VGLL4: variants seen among roughly 807,000 people sequenced by gnomAD.
The protein encoded by VGLL4 is vestigial like family member 4.
In VGLL4, 7 loss-of-function variants were observed where a neutral mutation model predicts 21.0. The ratio of observed to expected loss-of-function variants is 0.33; its 90% CI spans 0.19 to 0.63. VGLL4 has a LOEUF of 0.63. VGLL4 is among the 20% of genes least tolerant of loss of function. The probability of loss-of-function intolerance (pLI) is 0.78; values close to 1 mark genes in which losing one functional copy is unlikely to be tolerated. For missense variants in VGLL4, 394 were observed against 425.7 expected (o/e 0.93, Z 0.66); for synonymous variants, 222 against 173.2 (o/e 1.28, Z -2.21).
intron 1 of VGLL4, among the ~76,000 whole-genome samples, chr3:11,603,578 G>C (rs1271739212): frequency 6.6e-6 from 1 of 152,192 alleles, no homozygotes; most frequent in Non-Finnish European, 1.5e-5. Flanking sequence ...CCAAGGGAAA[G>C]CTTCAGAAGC....
chr3:11,595,767 A>G (rs2074621566), intron 2 of VGLL4, among the ~76,000 whole-genome samples: 1 of 151,378 alleles, frequency 6.6e-6, no homozygotes, highest in Non-Finnish European at 1.5e-5. Context: ...GTTCTCACTC[A>G]TAGGTGGGAA....
Position 11,643,628 on chromosome 3 carries a change from G to A in VGLL4, c.-110C>T. On this transcript the variant is annotated 5_prime_UTR_variant, in exon 1 of 5. Transcript: ENST00000430365. ...CTGGCTCTTCAACTTCACAAAGGCA[G>A]AGGCCCAGCCTCAGACTATCAAAAC... 1.3e-5 allele frequency: 21 copies of A among 1,566,780 alleles called. No homozygotes were observed. The highest frequency in any genetic ancestry group is 1.7e-5 in the Non-Finnish European group (20 of 1,160,422).
intron 2 of VGLL4, among the ~76,000 whole-genome samples, chr3:11,595,752 C>T (rs972855689): frequency 2.6e-4 from 39 of 151,138 alleles, no homozygotes; most frequent in African/African-American, 8.5e-4. Flanking sequence ...AACCAAACAC[C>T]GCATGTTCTC....
At chr3:11,662,549 A>G (rs2076052274) in intron 2 of VGLL4, among the ~76,000 whole-genome samples, 1 of 152,238 alleles carries the variant, frequency 6.6e-6, no homozygotes, top group Non-Finnish European at 1.5e-5. Context: ...CCAACTCAAA[A>G]TATACTCCCA....
intron 1 of VGLL4, among the ~76,000 whole-genome samples, chr3:11,620,795 C>A (rs73127116): frequency 0.085 from 12,865 of 152,246 alleles, 971 homozygotes; most frequent in African/African-American, 0.19. Flanking sequence ...ACCCGACCGT[C>A]CCACCCTGTG....
intron 1 of VGLL4, among the ~76,000 whole-genome samples, chr3:11,622,932 C>T (rs994147713): frequency 3.9e-5 from 6 of 152,204 alleles, no homozygotes; most frequent in Non-Finnish European, 7.3e-5. Context: ...TCTTACGCTT[C>T]CTTGGGCTGT....
rs2076961308 is a variant in VGLL4, at chr3:11,719,362, GCCAGCCCTCGC to G, written c.-14+1021_-14+1031del. 6.6e-6 allele frequency: 1 copy of G among 152,310 alleles called. No individual in the cohort carries two copies. Among genetic ancestry groups the G allele is most frequent in the Admixed American group, 6.5e-5 (1 of 15,272 alleles). 9.4% of individuals were successfully genotyped at this position (152,310 alleles called of 1,614,324 possible). On this transcript the variant is annotated intron_variant, in intron 1 of 5. Transcript: ENST00000273038. This position sits in a 1 kb window ranked among gnomAD's most constrained non-coding sequence, Gnocchi z 4.0. ...CAGCCCACCCCAAGGCCCCTCTCAG[GCCAGCCCTCGC>G]CCAGCCCGGGTCCCGCCCCGCCGAC...
chr3:11,613,374 G>A (rs2075099402), intron 1 of VGLL4, among the ~76,000 whole-genome samples: 1 of 152,058 alleles, frequency 6.6e-6, no homozygotes, highest in African/African-American at 2.4e-5. Context: ...GATCACTAGA[G>A]GGGGAAAAAA....
intron 1 of VGLL4, among the ~76,000 whole-genome samples, chr3:11,638,040 T>C (rs2075621860): frequency 6.6e-6 from 1 of 152,184 alleles, no homozygotes; most frequent in South Asian, 2.1e-4. Flanking sequence ...TTTTTATATA[T>C]TTGTGTACAT....
At chr3:11,690,085 G>A (rs894556619) in intron 2 of VGLL4, among the ~76,000 whole-genome samples, 7 of 151,882 alleles carry the variant, frequency 4.6e-5, no homozygotes, top group East Asian at 1.9e-4. Flanking sequence ...GTAATGCTTC[G>A]ATTTCCTAAA....
At chr3:11,715,911 T>G (rs1478224784) in intron 1 of VGLL4, among the ~76,000 whole-genome samples, 1 of 152,166 alleles carries the variant, frequency 6.6e-6, no homozygotes, top group Admixed American at 6.5e-5. Context: ...GTATATTTTC[T>G]CCATGAGGCT....
chr3:11,570,259 C>T (rs1017738880), intron 2 of VGLL4, among the ~76,000 whole-genome samples: 2 of 152,102 alleles, frequency 1.3e-5, no homozygotes, highest in South Asian at 2.1e-4. Context: ...TCCATCACCT[C>T]GCAGCTCCAT....
intron 2 of VGLL4, among the ~76,000 whole-genome samples, chr3:11,588,734 T>A (rs945212729): frequency 6.6e-6 from 1 of 152,112 alleles, no homozygotes; most frequent in East Asian, 1.9e-4. Flanking sequence ...CAGTCATGAA[T>A]AGGGGGACAG....
chr3:11,601,980 G>T lies in VGLL4; in HGVS notation c.125C>A (p.Pro42Gln), dbSNP rs751730160. The change falls in exon 2 of 5, where the codon CCG (proline) becomes CAG (glutamine). Residue 42 changes from proline to glutamine, a missense_variant. Transcript: ENST00000430365. The stretch of plus-strand genomic sequence containing the variant: ...GTGACTGCTGAGGGCAGAGGCCACC[G>T]GCAGGGTCTGTATTCTGGGTTCTCC... ...LRGEPRIQTL[P>Q]VASALSSHRT... 6.9e-6 allele frequency: 11 copies of T among 1,604,784 alleles called. 1 individual carries two copies. In the East Asian group the frequency reaches 2.5e-4, roughly 36 times the overall value.
chr3:11,615,636 A>G (rs559737369), intron 1 of VGLL4, among the ~76,000 whole-genome samples: 4 of 152,286 alleles, frequency 2.6e-5, no homozygotes, highest in African/African-American at 7.2e-5. Context: ...ACTCAATCAC[A>G]TACTCATTTT....
Position 11,663,892 on chromosome 3 carries a change from C to T in VGLL4, c.64+39079G>A, listed in dbSNP as rs541431253. Among the ~76,000 whole-genome samples the T allele has an allele frequency of 6.4e-4, 97 of 152,250 alleles. 1 individual carries two copies. The South Asian group carries it at 0.019, about 29-fold the overall frequency. On this transcript the variant is annotated intron_variant, in intron 2 of 5. Transcript: ENST00000273038. The stretch of plus-strand genomic sequence containing the variant: ...AAAACACATTTGTCATTTCTTTTTA[C>T]ATTTCATTAAAAGTAATGGCAAAAA...
chr3:11,604,101 G>A (rs2074871835), intron 1 of VGLL4, among the ~76,000 whole-genome samples: 1 of 152,190 alleles, frequency 6.6e-6, no homozygotes, highest in Admixed American at 6.5e-5. Flanking sequence ...CCACGGGTGG[G>A]GGTGGGACCA....
At position 11,612,768 on chromosome 3, in the gene VGLL4, G is replaced by A. The variant is rs372003396; in HGVS notation, c.83-10746C>T. Reference sequence around the variant, plus strand: ...AGTGGTCCAAAGGGTCACATGCACTGACATGGCCCTGACACATCACCGGTG... The same window carrying A: ...AGTGGTCCAAAGGGTCACATGCACTAACATGGCCCTGACACATCACCGGTG... On this transcript the variant is annotated intron_variant, in intron 1 of 4. Transcript: ENST00000430365. 1.6e-4 allele frequency: 24 copies of A among 152,378 alleles called. No individual in the cohort carries two copies. In the East Asian group the frequency reaches 4.3e-3, roughly 27 times the overall value. The allele number at this position is 152,378 out of a possible 1,614,324, so 9.4% of individuals were successfully genotyped here. A position where few individuals can be genotyped will look rare whatever the true frequency, so the allele number is the denominator to read the frequency against.
chr3:11,580,354 C>T (rs1366103564), intron 2 of VGLL4, among the ~76,000 whole-genome samples: 3 of 152,170 alleles, frequency 2.0e-5, no homozygotes, highest in Non-Finnish European at 4.4e-5. Context: ...AGTAATATTC[C>T]ATTGTGTGTA....
Sources: allele counts gnomAD v4.1 joint callset (sites outside exome capture counted in the v4.1 genomes callset), GRCh38; gene constraint gnomAD v4.1.1; non-coding constraint Gnocchi (gnomAD v3.1); transcripts MANE v1.5; gene names NCBI Gene and HGNC (gene_info 2026-07-23, HGNC 2026-07-21).